VOPP1: variants seen among roughly 807,000 people sequenced by gnomAD.
VOPP1 encodes the protein WW domain binding protein VOPP1.
A neutral mutation model predicts 23.5 loss-of-function variants in VOPP1; 8 were observed. The ratio of observed to expected loss-of-function variants is 0.34; its 90% CI spans 0.20 to 0.61. The LOEUF is 0.61. Among genes scored for constraint, VOPP1 ranks in the 20% least tolerant of loss-of-function variants. The pLI is 0.78. For missense variants in VOPP1, 174 were observed against 238.1 expected (o/e 0.73, Z 1.77); for synonymous variants, 83 against 97.3 (o/e 0.85, Z 0.86).
chr7:55,559,751 T>C (rs1163700042), intron 1 of VOPP1, among the ~76,000 whole-genome samples: 7 of 152,140 alleles, frequency 4.6e-5, no homozygotes, highest in African/African-American at 1.4e-4. Flanking sequence ...CCTATGTTAA[T>C]GACTCCATCC....
At chr7:55,569,839 C>CCTG (rs1043303762) in intron 1 of VOPP1, among the ~76,000 whole-genome samples, 2 of 152,092 alleles carry the variant, frequency 1.3e-5, no homozygotes, top group Non-Finnish European at 2.9e-5. Context: ...CACAGAAACC[C>CCTG]CTGCGCATGT....
intron 4 of VOPP1, among the ~76,000 whole-genome samples, chr7:55,453,237 C>A (rs190515183): frequency 6.6e-6 from 1 of 152,342 alleles, no homozygotes; most frequent in East Asian, 1.9e-4. Flanking sequence ...AGTTTCCTCA[C>A]CTCTTTCAGC....
At position 55,538,020 on chromosome 7, in the gene VOPP1, A is replaced by G. The variant is rs559656380; in HGVS notation, c.55-16890T>C. ...GCCCCCATTCAGCTCACACACCCAG[A>G]TCCAAACACTGCCTCCAGCCTGGCC... On this transcript the variant is annotated intron_variant, in intron 1 of 4. Transcript: ENST00000285279. Among the ~76,000 whole-genome samples the G allele has an allele frequency of 2.6e-5, 4 of 152,186 alleles. No individual in the cohort carries two copies. The South Asian group carries it at 6.2e-4, about 24-fold the overall frequency.
chr7:55,464,962 G>A (rs59643132), intron 4 of VOPP1, among the ~76,000 whole-genome samples: 4,047 of 152,294 alleles, frequency 0.027, 192 homozygotes, highest in African/African-American at 0.093. Context: ...GTGTGGCAAT[G>A]TAGACTGCTG....
At chr7:55,463,870 A>G (rs920292420) in intron 4 of VOPP1, among the ~76,000 whole-genome samples, 1 of 152,194 alleles carries the variant, frequency 6.6e-6, no homozygotes, top group Non-Finnish European at 1.5e-5. Context: ...AGGGCTGGTC[A>G]ATCCCCAGAT....
intron 1 of VOPP1, among the ~76,000 whole-genome samples, chr7:55,531,966 G>A (rs1421378272): frequency 6.6e-6 from 1 of 152,230 alleles, no homozygotes; most frequent in Non-Finnish European, 1.5e-5. Context: ...TGCCCAGAAA[G>A]ATTAATAAGT....
intron 1 of VOPP1, among the ~76,000 whole-genome samples, chr7:55,564,503 A>G (rs1798100023): frequency 6.6e-6 from 1 of 152,166 alleles, no homozygotes; most frequent in Non-Finnish European, 1.5e-5. Context: ...AGAGATGGCT[A>G]TGGACCCTTT....
chr7:55,509,102 T>A (rs1794912532), intron 2 of VOPP1, among the ~76,000 whole-genome samples: 1 of 152,148 alleles, frequency 6.6e-6, no homozygotes, highest in South Asian at 2.1e-4. Flanking sequence ...CACACAGGCA[T>A]GATAAATACT....
chr7:55,509,906 GT>G (rs1477823701), intron 2 of VOPP1, among the ~76,000 whole-genome samples: 3 of 152,188 alleles, frequency 2.0e-5, no homozygotes, highest in African/African-American at 7.2e-5. Flanking sequence ...CCCACCGCCT[GT>G]TCCTCTGCCC....
At chr7:55,540,266 T>C (rs1797060785) in intron 1 of VOPP1, among the ~76,000 whole-genome samples, 1 of 151,798 alleles carries the variant, frequency 6.6e-6, no homozygotes, top group South Asian at 2.1e-4. Flanking sequence ...GGCATGGTGG[T>C]GCGTGCCTGT....
At chr7:55,467,280 T>G (rs1791656577), downstream of VOPP1, among the ~76,000 whole-genome samples, 2 of 152,230 alleles carry the variant, frequency 1.3e-5, no homozygotes, top group African/African-American at 4.8e-5. Flanking sequence ...GGGCCTTTAA[T>G]TCCTGCAGCC....
At chr7:55,469,974 G>A (rs1465762610), downstream of VOPP1, among the ~76,000 whole-genome samples, 2 of 152,186 alleles carry the variant, frequency 1.3e-5, no homozygotes, top group Non-Finnish European at 2.9e-5. Flanking sequence ...GAGCCTAGAG[G>A]TTTGAGGCTG....
intron 4 of VOPP1, among the ~76,000 whole-genome samples, chr7:55,477,115 G>GACAGCTCAT (rs1255072648): frequency 6.6e-6 from 1 of 152,206 alleles, no homozygotes; most frequent in Non-Finnish European, 1.5e-5. Context: ...TCTCAGCTCA[G>GACAGCTCAT]AATCACCAGG....
chr7:55,479,309 C>T (rs1177916212), intron 4 of VOPP1, among the ~76,000 whole-genome samples: 1 of 151,464 alleles, frequency 6.6e-6, no homozygotes, highest in African/African-American at 2.4e-5. Context: ...TCCCCCATCC[C>T]CCCACCCCAC....
At chr7:55,537,670 C>A in intron 1 of VOPP1, 5 of 1,490,368 alleles carry the variant, frequency 3.4e-6, no homozygotes, top group South Asian at 1.3e-5. Flanking sequence ...GCAGTATCCT[C>A]CTCTGTTGAG....
chr7:55,555,239 C>T (rs1386526761), intron 1 of VOPP1, among the ~76,000 whole-genome samples: 4 of 152,142 alleles, frequency 2.6e-5, no homozygotes, highest in African/African-American at 4.8e-5. Context: ...AAGGGGGAAG[C>T]GACAGGAGAG....
chr7:55,446,229 G>A (rs563903396), intron 4 of VOPP1, among the ~76,000 whole-genome samples: 59 of 152,232 alleles, frequency 3.9e-4, no homozygotes, highest in South Asian at 8.3e-4. Context: ...TCCTGACCTC[G>A]TGATCTGCCC....
At chr7:55,452,585 A>T (rs533853408) in intron 4 of VOPP1, among the ~76,000 whole-genome samples, 19 of 152,366 alleles carry the variant, frequency 1.2e-4, no homozygotes, top group Non-Finnish European at 2.6e-4. Flanking sequence ...AAACAATAAG[A>T]CTTGAAAGTC....
chr7:55,458,284 T>C (rs1020956443), intron 4 of VOPP1, among the ~76,000 whole-genome samples: 19 of 152,158 alleles, frequency 1.2e-4, no homozygotes, highest in African/African-American at 4.3e-4. Flanking sequence ...TTGGTCTGTG[T>C]GTCTGTTTAT....
Sources: allele counts gnomAD v4.1 joint callset (sites outside exome capture counted in the v4.1 genomes callset), GRCh38; gene constraint gnomAD v4.1.1; transcripts MANE v1.5; gene names NCBI Gene and HGNC (gene_info 2026-07-23, HGNC 2026-07-21).